Variants in COL4A4 observed in about 807,000 individuals in gnomAD.
COL4A4 encodes the protein collagen alpha-4(IV) chain.
Under a neutral mutation model 192.9 loss-of-function variants are expected in COL4A4, and 105 were observed. The ratio of observed to expected loss-of-function variants is 0.54; its 90% confidence interval spans 0.46 to 0.64. The LOEUF is 0.64. Ranked by LOEUF, COL4A4 falls within the 30% of genes least tolerant of loss-of-function variation. The probability of loss-of-function intolerance (pLI) is 0.00; values close to 1 mark genes in which losing one functional copy is unlikely to be tolerated. For missense variants in COL4A4, 1,967 were observed against 2,169.3 expected (o/e 0.91, Z 1.85); for synonymous variants, 762 against 769.9 (o/e 0.99, Z 0.17).
rs1559515185 is a variant in COL4A4, at chr2:227,057,456, C to T, written c.2528G>A (p.Gly843Glu). 1.2e-6 allele frequency: 2 copies of T among 1,608,200 alleles called. No individual in the cohort carries two copies. Among genetic ancestry groups the T allele is most frequent in the Non-Finnish European group, 1.7e-6 (2 of 1,177,218 alleles). The change falls in exon 29 of 48, where the codon GGG becomes GAG. Residue 843 changes from glycine (G) to glutamate (E), a missense_variant. Gly to Glu is a moderately conservative substitution (Grantham distance 98, BLOSUM62 -2). Coordinates refer to ENST00000396625, the MANE Select transcript of COL4A4 (RefSeq NM_000092.5). ...ACACTTACCTGGGCTACCTGGATAC[C>T]CAGGGAGTCCCGGTTGCCCTGGTAT... ...PGIPGQPGLP[G>E]YPGSPGAPGG...
chr2:227,129,526 A>G (rs2062296253), intron 4 of COL4A4, among the ~76,000 whole-genome samples: 2 of 151,526 alleles, frequency 1.3e-5, no homozygotes, highest in South Asian at 4.2e-4. Flanking sequence ...CTCCTGCCTC[A>G]GCCTCCCAAG....
chr2:227,049,906 G>T (rs1973702567), intron 34 of COL4A4, among the ~76,000 whole-genome samples, 162 bp downstream of exon 34: 2 of 152,228 alleles, frequency 1.3e-5, no homozygotes, highest in African/African-American at 4.8e-5. Flanking sequence ...GACAACTGTA[G>T]AATATTTGGA....
At chr2:227,094,909 A>T (rs929821467) in intron 19 of COL4A4, among the ~76,000 whole-genome samples, 25 of 152,318 alleles carry the variant, frequency 1.6e-4, no homozygotes, top group African/African-American at 6.0e-4. Flanking sequence ...GAAAAAAAAT[A>T]AGTGATGTAT....
intron 4 of COL4A4, among the ~76,000 whole-genome samples, chr2:227,125,895 G>A (rs1032824766): frequency 2.6e-5 from 4 of 152,108 alleles, no homozygotes; most frequent in Non-Finnish European, 5.9e-5. Flanking sequence ...CTCTGCTCCT[G>A]GAGGGGAAGG....
Position 227,094,212 on chromosome 2 carries a change from G to C in COL4A4, c.1282C>G (p.Pro428Ala). 6.2e-7 allele frequency: 1 copy of C among 1,613,734 alleles called. No individual in the cohort carries two copies. The highest frequency in any genetic ancestry group is 8.5e-7 in the Non-Finnish European group (1 of 1,179,890). ...CCTGGTTTTCCTGGAGCAGAATCAG[G>C]TCTCCCAGGAATACCAGCTTCTCCT... Reference protein sequence around the residue: ...LPGEAGIPGRPDSAPGKPGKP... With the variant: ...LPGEAGIPGRADSAPGKPGKP... The change falls in exon 20 of 48, where the codon CCT (proline) becomes GCT (alanine). Residue 428 changes from proline (P) to alanine (A), a missense_variant. By Grantham distance (27) the Pro-to-Ala change is conservative. Transcript: ENST00000396625.
At chr2:226,991,683 A>G in the COL4A4 span, among the ~76,000 whole-genome samples, 1 of 152,198 alleles carries the variant, frequency 6.6e-6, no homozygotes, top group Non-Finnish European at 1.5e-5. Flanking sequence ...GCTACTCAGT[A>G]TTCCCATTTT....
chr2:227,041,775 G>GGA lies in COL4A4; in HGVS notation c.3505+372_3505+373insTC, dbSNP rs1559475846. On this transcript the variant is annotated intron_variant, in intron 37 of 47. Coordinates refer to ENST00000396625, the MANE Select transcript of COL4A4 (RefSeq NM_000092.5). Reference sequence around the variant, plus strand: ...GGAAGGAAGGAAGGAAGGAAGGAAGGAAGGAAGGAAGGGAAAGAAAGAAAG... The same window carrying GGA: ...GGAAGGAAGGAAGGAAGGAAGGAAGGGAAAGGAAGGAAGGGAAAGAAAGAAAG... Among the ~76,000 whole-genome samples the GGA allele has an allele frequency of 9.6e-3, 731 of 76,440 alleles. 63 individuals are homozygous for GGA. The highest frequency in any genetic ancestry group is 0.055 in the East Asian group (131 of 2,374). The allele number at this position is 76,440 out of a possible 152,430, so 50.1% of individuals were successfully genotyped here.
At position 227,139,689 on chromosome 2, in the gene COL4A4, A is replaced by G. The variant is rs2063066073; in HGVS notation, c.192+472T>C. On this transcript the variant is annotated intron_variant, in intron 4 of 47. Coordinates refer to ENST00000396625, the MANE Select transcript of COL4A4 (RefSeq NM_000092.5). ...TTGAACTCATAGAACAGTGCCTGGC[A>G]CATAACAAGCATACAAAAAATATAG... Among the ~76,000 whole-genome samples the G allele has an allele frequency of 4.6e-5, 7 of 152,356 alleles. No individual in the cohort carries two copies. In the South Asian group the frequency reaches 1.4e-3, roughly 32 times the overall value.
At chr2:226,993,284 G>A in the COL4A4 span, among the ~76,000 whole-genome samples, 1 of 152,186 alleles carries the variant, frequency 6.6e-6, no homozygotes, top group African/African-American at 2.4e-5. Flanking sequence ...CAGCCTCCAT[G>A]GGTTTCTGCC....
chr2:227,152,338 G>A (rs1427143350), intron 1 of COL4A4, among the ~76,000 whole-genome samples: 1 of 152,218 alleles, frequency 6.6e-6, no homozygotes, highest in African/African-American at 2.4e-5. Context: ...CATGACAATT[G>A]AGAATCTGGA....
At chr2:227,064,034 T>G (rs907110862) in intron 25 of COL4A4, among the ~76,000 whole-genome samples, 6 of 152,176 alleles carry the variant, frequency 3.9e-5, no homozygotes, top group African/African-American at 1.4e-4. Context: ...AAATTTTATG[T>G]AGCTATTATG....
At chr2:227,085,091 A>G (rs999617860) in intron 22 of COL4A4, among the ~76,000 whole-genome samples, 1 of 151,592 alleles carries the variant, frequency 6.6e-6, no homozygotes, top group Non-Finnish European at 1.5e-5. Flanking sequence ...AGATTGCACC[A>G]TTGCACTCCA....
At chr2:227,119,849 A>T in intron 6 of COL4A4, 46 bp downstream of exon 6, 1 of 1,409,942 alleles carries the variant, frequency 7.1e-7, no homozygotes, top group Non-Finnish European at 9.8e-7. Context: ...TTTGATGAGT[A>T]CTTCTGCCTT....
rs1179125792 is a variant in COL4A4, at chr2:227,014,892, C to CTTTTTTTTTTTTT, written c.4217-2608_4217-2596dup. On this transcript the variant is annotated intron_variant, in intron 44 of 47. Coordinates refer to ENST00000396625, the MANE Select transcript of COL4A4 (RefSeq NM_000092.5). ...TACAGGCACGGGCCACCATGCCTGG[C>CTTTTTTTTTTTTT]TTTTTTTTTTTTTTTTTTTTTTCTG... Among the ~76,000 whole-genome samples, 26 of 106,590 alleles carry CTTTTTTTTTTTTT rather than the reference C, an allele frequency of 2.4e-4. 1 individual carries two copies. The highest frequency in any genetic ancestry group is 9.5e-4 in the African/African-American group (25 of 26,210). The allele number at this position is 106,590 out of a possible 152,430, so 69.9% of individuals were successfully genotyped here. A position where few individuals can be genotyped will look rare whatever the true frequency, so the allele number is the denominator to read the frequency against.
Position 227,017,754 on chromosome 2 carries a change from G to A in COL4A4, c.4216+4294C>T, listed in dbSNP as rs530714806. Among the ~76,000 whole-genome samples the A allele has an allele frequency of 7.2e-5, 11 of 152,126 alleles. No individual in the cohort carries two copies. The East Asian group carries it at 2.1e-3, about 29-fold the overall frequency. On this transcript the variant is annotated intron_variant, in intron 44 of 47. Transcript: ENST00000396625. ...TAGGTAAGTCTCAGCTGTAGCACAT[G>A]GTTACAAAATCAGCTTAGCAATGAA... is the stretch of plus-strand genomic sequence containing the variant.
At chr2:227,055,425 T>A (rs1250481206) in intron 30 of COL4A4, among the ~76,000 whole-genome samples, 1 of 151,336 alleles carries the variant, frequency 6.6e-6, no homozygotes, top group African/African-American at 2.4e-5. Flanking sequence ...AGCCCAGGAG[T>A]TCAAGGCTGC....
chr2:227,084,399 T>A (rs2059477322), intron 22 of COL4A4, among the ~76,000 whole-genome samples: 1 of 152,038 alleles, frequency 6.6e-6, no homozygotes, highest in Non-Finnish European at 1.5e-5. Flanking sequence ...ATCCCAGGAG[T>A]CTGAGCAGTG....
intron 24 of COL4A4, among the ~76,000 whole-genome samples, chr2:227,079,075 C>T (rs2059187564): frequency 6.6e-6 from 1 of 152,334 alleles, no homozygotes; most frequent in South Asian, 2.1e-4. Flanking sequence ...TCAGGGCTGC[C>T]TCCATGCCCA....
At chr2:227,130,684 C>G (rs77305151) in intron 4 of COL4A4, among the ~76,000 whole-genome samples, 2,219 of 152,322 alleles carry the variant, frequency 0.015, 54 homozygotes, top group African/African-American at 0.05. Context: ...CCCTCCCTAA[C>G]CCAGACCTTT....
Sources: allele counts gnomAD v4.1 joint callset (sites outside exome capture counted in the v4.1 genomes callset), GRCh38; gene constraint gnomAD v4.1.1; transcripts MANE v1.5; gene names NCBI Gene and HGNC (gene_info 2026-07-23, HGNC 2026-07-21).